The following CD2AP variants were observed in gnomAD, a reference collection of about 807,000 sequenced individuals.
CD2AP encodes CD2 associated protein, also known as CD2-associated protein.
Under a neutral mutation model 85.1 loss-of-function variants are expected in CD2AP, and 46 were observed. The observed-to-expected ratio is 0.54, with a 90% CI of 0.43 to 0.69. The LOEUF (loss-of-function observed/expected upper bound fraction) is 0.69, where lower values mean the gene tolerates loss of function less well. Among genes scored for constraint, CD2AP ranks in the 30% least tolerant of loss-of-function variants. CD2AP has a pLI of 0.00. For synonymous variants in CD2AP, 255 were observed against 252.9 expected (o/e 1.01, Z -0.08); for missense variants, 769 against 729.5 (o/e 1.05, Z -0.62).
At chr6:47,536,756 T>C (rs1562021411) in intron 3 of CD2AP, among the ~76,000 whole-genome samples, 1 of 152,194 alleles carries the variant, frequency 6.6e-6, no homozygotes, top group Non-Finnish European at 1.5e-5. Flanking sequence ...AGAACAAATG[T>C]GCATTTCTCA....
At position 47,533,632 on chromosome 6, in the gene CD2AP, G is replaced by A. The variant is rs146865776; in HGVS notation, c.196G>A (p.Asp66Asn). Residue 66 changes from aspartate (D) to asparagine (N), a missense_variant, in exon 3 of 18, where the codon GAC becomes AAC. Coordinates refer to ENST00000359314, the MANE Select transcript of CD2AP (RefSeq NM_012120.3). The part of the protein sequence containing the change: ...EIKRETEFKD[D>N]SLPIKRERHG... ...TAAAAGAGAGACGGAATTCAAGGAT[G>A]ACAGTTTGCCCATCAAACGGGAAAG... is the stretch of plus-strand genomic sequence containing the variant. 8.1e-6 allele frequency: 13 copies of A among 1,613,876 alleles called. No homozygotes were observed. In the African/African-American group the frequency reaches 1.7e-4, roughly 22 times the overall value.
intron 11 of CD2AP, among the ~76,000 whole-genome samples, chr6:47,589,565 C>CACACACATATATATATATATATATATAT (rs139814970): frequency 1.6e-3 from 198 of 120,924 alleles, no homozygotes; most frequent in Non-Finnish European, 2.7e-3. Context: ...CACACACACA[C>CACACACATATATATATATATATATATAT]ATATATATAT....
chr6:47,484,815 A>T (rs764600458), intron 1 of CD2AP, among the ~76,000 whole-genome samples: 51 of 152,148 alleles, frequency 3.4e-4, no homozygotes, highest in Non-Finnish European at 7.1e-4. Context: ...CAGCGTCCAG[A>T]TAATTCCAAG....
intron 2 of CD2AP, among the ~76,000 whole-genome samples, chr6:47,514,209 C>CT (rs1171001459): frequency 6.6e-6 from 1 of 151,968 alleles, no homozygotes; most frequent in Admixed American, 6.6e-5. Context: ...TGTCATCAAT[C>CT]TTTTTTTGTG....
rs765430650 is a variant in CD2AP, at chr6:47,573,484, G to GTTTTTT, written c.542-563_542-558dup. ...AAAGCTATAAATTGACATGCTGTGT[G>GTTTTTT]TTTTTTTTTTTTTTTTTTTTTTGAG... On this transcript the variant is annotated intron_variant, in intron 5 of 17. Coordinates refer to ENST00000359314, the MANE Select transcript of CD2AP (RefSeq NM_012120.3). Among the ~76,000 whole-genome samples the GTTTTTT allele has an allele frequency of 1.7e-4, 16 of 94,716 alleles. 1 individual carries two copies. Among genetic ancestry groups the GTTTTTT allele is most frequent in the Non-Finnish European group, 2.7e-4 (13 of 48,962 alleles). The allele number at this position is 94,716 out of a possible 152,430, so 62.1% of individuals were successfully genotyped here.
chr6:47,511,104 A>G (rs556436919), intron 2 of CD2AP, among the ~76,000 whole-genome samples: 53 of 115,862 alleles, frequency 4.6e-4, no homozygotes, highest in African/African-American at 1.6e-3. Flanking sequence ...AAAAAAAGGA[A>G]TAGATGGACA....
intron 1 of CD2AP, among the ~76,000 whole-genome samples, chr6:47,485,580 TAAAA>T (rs1414405281): frequency 6.7e-6 from 1 of 148,764 alleles, no homozygotes; most frequent in African/African-American, 2.5e-5. Context: ...AAGAAAGAAA[TAAAA>T]AAATGTAGTT....
At chr6:47,593,446 T>G (rs1355582544) in intron 11 of CD2AP, among the ~76,000 whole-genome samples, 1 of 152,134 alleles carries the variant, frequency 6.6e-6, no homozygotes, top group East Asian at 1.9e-4. Context: ...AGGAGATATA[T>G]AAGTTTTGTT....
chr6:47,579,430 G>C lies in CD2AP; in HGVS notation c.949G>C (p.Glu317Gln). Residue 317 changes from glutamate to glutamine, a missense_variant, in exon 9 of 18, where the codon GAA (glutamate) becomes CAA (glutamine). By Grantham distance (29) the Glu-to-Gln change is conservative. Coordinates refer to ENST00000359314, the MANE Select transcript of CD2AP (RefSeq NM_012120.3). ...GWWRGELNGK[E>Q]GVFPDNFAVQ... The stretch of plus-strand genomic sequence containing the variant: ...GTGGAGGGGCGAACTTAATGGTAAA[G>C]AAGGAGTATTTCCAGACAATTTTGC... 6.2e-7 allele frequency: 1 copy of C among 1,613,264 alleles called. No individual in the cohort carries two copies. The highest frequency in any genetic ancestry group is 1.1e-5 in the South Asian group (1 of 91,072).
intron 17 of CD2AP, 50 bp from the exon 18 acceptor site, chr6:47,624,136 A>G (rs1769835807): frequency 2.1e-6 from 3 of 1,412,332 alleles, no homozygotes; most frequent in Non-Finnish European, 3.0e-6. Flanking sequence ...AAAATAAACT[A>G]CTAAACTAAG....
chr6:47,609,412 C>T (rs941295116), intron 16 of CD2AP, 108 bp downstream of exon 16: 17 of 899,594 alleles, frequency 1.9e-5, no homozygotes, highest in Admixed American at 5.5e-5. Context: ...TGTGGTAGTT[C>T]GCGCCTGTAA....
intron 3 of CD2AP, among the ~76,000 whole-genome samples, chr6:47,536,755 G>A (rs1767059286): frequency 6.6e-6 from 1 of 152,184 alleles, no homozygotes; most frequent in East Asian, 1.9e-4. Context: ...GAGAACAAAT[G>A]TGCATTTCTC....
At chr6:47,522,006 ACT>A (rs1671862739) in intron 2 of CD2AP, among the ~76,000 whole-genome samples, 1 of 145,524 alleles carries the variant, frequency 6.9e-6, no homozygotes, top group Admixed American at 6.9e-5. Context: ...CAAGAGCGAA[ACT>A]CTGCCTCAAA....
At chr6:47,538,669 T>G (rs1370394587) in intron 3 of CD2AP, among the ~76,000 whole-genome samples, 1 of 152,246 alleles carries the variant, frequency 6.6e-6, no homozygotes. Flanking sequence ...CTTTTGCTGT[T>G]CTGAAGTTTT....
intron 10 of CD2AP, 87 bp downstream of exon 10, chr6:47,580,987 A>AT (rs1290084896): frequency 3.2e-6 from 3 of 926,726 alleles, no homozygotes; most frequent in Non-Finnish European, 3.6e-6. Context: ...CAAACTATTG[A>AT]TTTTTATCAA....
rs1765772697 is a variant in CD2AP, at chr6:47,493,000, C to T, written c.5-10280C>T. On this transcript the variant is annotated intron_variant, in intron 1 of 17. Transcript: ENST00000359314. Reference sequence around the variant, plus strand: ...AACACTTCATGTGTAGTGCTGGTACCATAGAGTATTCCTTATTCCTCTTGT... The same window carrying T: ...AACACTTCATGTGTAGTGCTGGTACTATAGAGTATTCCTTATTCCTCTTGT... 2.6e-5 allele frequency among the ~76,000 whole-genome samples: 4 copies of T among 152,204 alleles called. No individual in the cohort carries two copies. The South Asian group carries it at 8.3e-4, about 32-fold the overall frequency.
intron 11 of CD2AP, among the ~76,000 whole-genome samples, chr6:47,591,210 C>T (rs1768783853): frequency 6.6e-6 from 1 of 152,076 alleles, no homozygotes; most frequent in Non-Finnish European, 1.5e-5. Flanking sequence ...CATAAATAAT[C>T]TGTGGTGTTA....
intron 2 of CD2AP, among the ~76,000 whole-genome samples, chr6:47,524,852 C>G (rs574084146): frequency 1.5e-3 from 226 of 152,188 alleles, no homozygotes; most frequent in African/African-American, 5.2e-3. Flanking sequence ...CAAAGTAGGT[C>G]TGCTATATCT....
intron 3 of CD2AP, among the ~76,000 whole-genome samples, chr6:47,535,581 G>T (rs1767017580): frequency 1.3e-5 from 2 of 152,084 alleles, no homozygotes; most frequent in African/African-American, 2.4e-5. Flanking sequence ...CAATTCTAGG[G>T]TTCTATTTGT....
Sources: gnomAD v4.1 joint callset for allele counts (sites outside exome capture counted in the v4.1 genomes callset) on GRCh38, gnomAD v4.1.1 for gene constraint, MANE v1.5 for transcripts, NCBI Gene and HGNC (gene_info 2026-07-23, HGNC 2026-07-21) for gene names.